The following ABHD18 variants were observed in gnomAD, a reference collection of about 807,000 sequenced individuals.
ABHD18 encodes the protein abhydrolase domain containing 18.
In ABHD18, 55 loss-of-function variants were observed where a neutral mutation model predicts 65.9. That is an observed-to-expected ratio of 0.84 (90% CI 0.67 to 1.05). The LOEUF is 1.05. ABHD18 is among the 50% of genes least tolerant of loss of function. The pLI is 0.00. For missense variants in ABHD18, 533 were observed against 558.5 expected, an observed-to-expected ratio of 0.95 and a Z score of 0.46; for synonymous variants, 181 against 180.2, an observed-to-expected ratio of 1.00 and a Z score of -0.04.
Position 128,030,687 on chromosome 4 carries a change from C to T in ABHD18, c.1343+15C>T. 1 of 1,557,136 alleles carries T rather than the reference C, an allele frequency of 6.4e-7. No homozygotes were observed. The highest frequency in any genetic ancestry group is 1.2e-5 in the South Asian group (1 of 80,646). ...GGACTCTTCAGGTAAGACGGCTGGT[C>T]TAAACATGTATTCGTTCATTTGTTG... is the stretch of plus-strand genomic sequence containing the variant. On this transcript the variant is annotated intron_variant, in intron 12 of 12. Coordinates refer to ENST00000645843, the MANE Select transcript of ABHD18 (RefSeq NM_001358451.3).
rs70966066 is a variant in ABHD18, at chr4:128,003,948, T to TAAA, written c.279-4960_279-4958dup. Reference sequence around the variant, plus strand: ...AACAGAGCAAGACCCTGTCTCGATTTAAAAAAAAAAAAAACAAAAAAAAAC... The same window carrying TAAA: ...AACAGAGCAAGACCCTGTCTCGATTTAAAAAAAAAAAAAAAAACAAAAAAAAAC... On this transcript the variant is annotated intron_variant, in intron 4 of 12. Transcript: ENST00000645843. 2.3e-4 allele frequency among the ~76,000 whole-genome samples: 31 copies of TAAA among 134,312 alleles called. No individual in the cohort carries two copies. The East Asian group carries it at 6.2e-3, about 27-fold the overall frequency. 88.1% of individuals were successfully genotyped at this position (134,312 alleles called of 152,430 possible).
intron 10 of ABHD18, among the ~76,000 whole-genome samples, chr4:128,026,710 G>T (rs1312645515): frequency 6.6e-6 from 1 of 151,686 alleles, no homozygotes; most frequent in Non-Finnish European, 1.5e-5. Context: ...GTCATGCTCT[G>T]CATAACAATG....
At chr4:128,001,783 C>A (rs1298731279) in intron 4 of ABHD18, 5 of 1,537,870 alleles carry the variant, frequency 3.3e-6, no homozygotes, top group Non-Finnish European at 3.5e-6. Flanking sequence ...TTATTTCTCT[C>A]TAGAAACTTT....
intron 4 of ABHD18, among the ~76,000 whole-genome samples, chr4:128,002,090 C>T (rs1752741323): frequency 6.6e-6 from 1 of 151,848 alleles, no homozygotes; most frequent in African/African-American, 2.4e-5. Context: ...GCCTGGCCAA[C>T]ATGGTAAAAC....
chr4:127,983,837 C>A (rs925570219), intron 2 of ABHD18, among the ~76,000 whole-genome samples: 15 of 151,534 alleles, frequency 9.9e-5, no homozygotes, highest in Admixed American at 3.9e-4. Context: ...TGCACACCAG[C>A]CAGTGCGAGA....
intron 8 of ABHD18, among the ~76,000 whole-genome samples, chr4:128,019,365 G>A (rs1023229881): frequency 6.6e-6 from 1 of 152,154 alleles, no homozygotes; most frequent in Non-Finnish European, 1.5e-5. Context: ...CATTGGCCAT[G>A]TGTGCCTATT....
chr4:127,991,711 AT>A (rs1365440007), intron 4 of ABHD18, among the ~76,000 whole-genome samples: 1 of 152,074 alleles, frequency 6.6e-6, no homozygotes, highest in East Asian at 1.9e-4. Flanking sequence ...TTCTTTTAAG[AT>A]TTTGTCTGCA....
In ABHD18 at chr4:127,984,381, C is replaced by G; in HGVS notation, c.135C>G (p.Cys45Trp). The G allele has an allele frequency of 6.5e-7, 1 of 1,550,034 alleles. No homozygotes were observed. The highest frequency in any genetic ancestry group is 8.7e-7 in the Non-Finnish European group (1 of 1,145,324). ...AGATGATTGGAAATCGGGAAAGATG[C>G]CAGAATCTGGTTTCAAGCGATTATC... ...FRKMIGNRER[C>W]QNLVSSDYPV... is the part of the protein sequence containing the mutation. Residue 45 changes from cysteine (C) to tryptophan (W), a missense_variant, in exon 3 of 13, where the codon TGC becomes TGG. Transcript: ENST00000645843.
intron 1 of ABHD18, among the ~76,000 whole-genome samples, chr4:127,967,113 C>T (rs1745735730): frequency 6.6e-6 from 1 of 151,648 alleles, no homozygotes; most frequent in Admixed American, 6.6e-5. Context: ...TTCCTGGGGG[C>T]TAGCAATGTA....
At chr4:128,034,809 C>T (rs1262766106) in intron 12 of ABHD18, among the ~76,000 whole-genome samples, 1 of 152,078 alleles carries the variant, frequency 6.6e-6, no homozygotes, top group African/African-American at 2.4e-5. Flanking sequence ...TGCCACCACA[C>T]CCGGCTAATT....
intron 7 of ABHD18, 89 bp from the exon 8 acceptor site, chr4:128,017,274 C>A (rs1755672868): frequency 8.1e-7 from 1 of 1,231,008 alleles, no homozygotes; most frequent in Non-Finnish European, 1.1e-6. Context: ...AGAAGAGATG[C>A]ATGAAGTCTG....
At chr4:127,999,759 G>GTT (rs942429005) in intron 4 of ABHD18, among the ~76,000 whole-genome samples, 1 of 151,724 alleles carries the variant, frequency 6.6e-6, no homozygotes, top group African/African-American at 2.4e-5. Context: ...TTGATACTTT[G>GTT]TTTTTTTTCT....
chr4:128,020,014 T>C, intron 8 of ABHD18, 66 bp from the exon 9 acceptor site: 1 of 1,040,896 alleles, frequency 9.6e-7, no homozygotes, highest in Admixed American at 2.3e-5. Flanking sequence ...TGCTTATTAA[T>C]ATTAAATATT....
Position 128,008,987 on chromosome 4 carries a change from A to G in ABHD18, c.346A>G (p.Thr116Ala), listed in dbSNP as rs952889212. Residue 116 changes from threonine to alanine, a missense_variant, in exon 5 of 13, where the codon ACA becomes GCA. Thr to Ala is a moderately conservative substitution (Grantham distance 58, BLOSUM62 0). Transcript: ENST00000645843. ...ACCTGTATGCATTCATCTTGCTGGA[A>G]CAGGAGATCATGTAAGACTTTATTA... is the stretch of plus-strand genomic sequence containing the variant. ...YRPVCIHLAGTGDHHYWRRRT... is the reference protein window; with the variant it reads ...YRPVCIHLAGAGDHHYWRRRT... 1 of 1,610,370 alleles carries G rather than the reference A, an allele frequency of 6.2e-7. No individual in the cohort carries two copies. Among genetic ancestry groups the G allele is most frequent in the Non-Finnish European group, 8.5e-7 (1 of 1,178,834 alleles).
At chr4:127,971,344 T>C (rs1397254535) in intron 1 of ABHD18, among the ~76,000 whole-genome samples, 3 of 151,566 alleles carry the variant, frequency 2.0e-5, no homozygotes, top group African/African-American at 4.9e-5. Context: ...GCAAAAGATA[T>C]ATTGATGCTG....
chr4:128,022,522 A>G (rs1756673407), intron 10 of ABHD18, among the ~76,000 whole-genome samples: 1 of 152,166 alleles, frequency 6.6e-6, no homozygotes, highest in East Asian at 1.9e-4. Flanking sequence ...TTATGATATA[A>G]GCCTCTACTG....
intron 3 of ABHD18, among the ~76,000 whole-genome samples, chr4:127,985,818 A>G (rs1033768456): frequency 3.3e-5 from 5 of 152,034 alleles, no homozygotes; most frequent in Non-Finnish European, 7.4e-5. Flanking sequence ...CCTGGCCAAC[A>G]TGGTGAAACC....
chr4:128,003,471 TAA>T (rs1753040127), intron 4 of ABHD18, among the ~76,000 whole-genome samples: 1 of 150,428 alleles, frequency 6.6e-6, no homozygotes, highest in Non-Finnish European at 1.5e-5. Flanking sequence ...GTATAGCTAA[TAA>T]GAGGGATAAA....
intron 8 of ABHD18, among the ~76,000 whole-genome samples, chr4:128,019,571 A>G: frequency 6.6e-6 from 1 of 152,208 alleles, no homozygotes; most frequent in South Asian, 2.1e-4. Context: ...TAACTTTTTG[A>G]AAAGATAAAG....
Sources: gnomAD v4.1 joint callset for allele counts (sites outside exome capture counted in the v4.1 genomes callset) on GRCh38, gnomAD v4.1.1 for gene constraint, MANE v1.5 for transcripts, NCBI Gene and HGNC (gene_info 2026-07-23, HGNC 2026-07-21) for gene names.